KATNAL1: variants seen among roughly 807,000 people sequenced by gnomAD.
The protein encoded by KATNAL1 is katanin catalytic subunit A1 like 1.
A neutral mutation model predicts 55.2 loss-of-function variants in KATNAL1; 32 were observed. The observed-to-expected ratio is 0.58, with a 90% CI of 0.44 to 0.78. KATNAL1 has a LOEUF of 0.78. Among genes scored for constraint, KATNAL1 ranks in the 30% least tolerant of loss-of-function variants. KATNAL1 has a pLI of 0.00. For synonymous variants in KATNAL1, 193 were observed against 193.6 expected (o/e 1.00, Z 0.02); for missense variants, 466 against 600.9 (o/e 0.78, Z 2.35).
intron 3 of KATNAL1, among the ~76,000 whole-genome samples, chr13:30,260,436 A>G (rs1160032928): frequency 2.6e-5 from 4 of 152,152 alleles, no homozygotes; most frequent in Non-Finnish European, 5.9e-5. Context: ...TATGGGGGGA[A>G]ATTCAAACCA....
intron 7 of KATNAL1, among the ~76,000 whole-genome samples, 200 bp from the exon 8 acceptor site, chr13:30,230,794 T>G (rs948677733): frequency 6.6e-6 from 1 of 152,214 alleles, no homozygotes; most frequent in Admixed American, 6.5e-5. Flanking sequence ...ATATGGCTGG[T>G]GAAGCTGGGT....
intron 3 of KATNAL1, among the ~76,000 whole-genome samples, chr13:30,263,304 G>T (rs971054107): frequency 0.018 from 2,788 of 151,834 alleles, 37 homozygotes; most frequent in Non-Finnish European, 0.031. Context: ...CTTTGAAAAC[G>T]GGCACAAGAC....
intron 9 of KATNAL1, among the ~76,000 whole-genome samples, chr13:30,225,698 G>C (rs1485672947): frequency 6.9e-6 from 1 of 145,708 alleles, no homozygotes; most frequent in Non-Finnish European, 1.5e-5. Context: ...ATTCATTCAA[G>C]AGGAATCACA....
intron 3 of KATNAL1, among the ~76,000 whole-genome samples, chr13:30,277,557 A>G (rs1880933377): frequency 6.6e-6 from 1 of 152,252 alleles, no homozygotes; most frequent in Non-Finnish European, 1.5e-5. Context: ...GACCTGGAGA[A>G]GAAACGAAGT....
At position 30,207,210 on chromosome 13, in the gene KATNAL1, T is replaced by C. The variant is rs897633692; in HGVS notation, c.*1330A>G. 6.6e-5 allele frequency: 10 copies of C among 152,228 alleles called. No individual in the cohort carries two copies. The highest frequency in any genetic ancestry group is 1.2e-4 in the Non-Finnish European group (8 of 68,044). The allele number at this position is 152,228 out of a possible 1,614,324, so 9.4% of individuals were successfully genotyped here. ...AGCATAAATTGCCTAATGAGACACA[T>C]GTAATCATAAAAACTAACGCCAGGA... On this transcript the variant is annotated 3_prime_UTR_variant, in exon 11 of 11. Coordinates refer to ENST00000380615, the MANE Select transcript of KATNAL1 (RefSeq NM_032116.5).
chr13:30,224,558 G>GGGT (rs1255138701), intron 9 of KATNAL1, among the ~76,000 whole-genome samples: 2 of 150,920 alleles, frequency 1.3e-5, no homozygotes, highest in East Asian at 3.9e-4. Flanking sequence ...AAGTGGGGAA[G>GGGT]GGTGGTTCCT....
At chr13:30,300,790 C>A (rs1882805270) in intron 1 of KATNAL1, among the ~76,000 whole-genome samples, 1 of 152,152 alleles carries the variant, frequency 6.6e-6, no homozygotes. Flanking sequence ...AAAACAACCA[C>A]AAACCCAGAC....
At chr13:30,296,643 A>C (rs527793535) in intron 1 of KATNAL1, 1 of 688,072 alleles carries the variant, frequency 1.5e-6, no homozygotes, top group Non-Finnish European at 2.7e-6. Context: ...GGACGAGCAC[A>C]GGGAAGTTTG....
chr13:30,210,522 G>C, intron 9 of KATNAL1, 80 bp from the exon 10 acceptor site: 1 of 1,354,118 alleles, frequency 7.4e-7, no homozygotes, highest in South Asian at 1.4e-5. Flanking sequence ...TTAACATTTG[G>C]GGGAAAAATG....
At chr13:30,250,222 A>C (rs7981526) in intron 4 of KATNAL1, among the ~76,000 whole-genome samples, 2,014 of 152,342 alleles carry the variant, frequency 0.013, 37 homozygotes, top group African/African-American at 0.045. Context: ...CTAGATTTAG[A>C]AAAGTAATGG....
At chr13:30,223,378 C>T (rs1261133145) in intron 9 of KATNAL1, among the ~76,000 whole-genome samples, 4 of 129,042 alleles carry the variant, frequency 3.1e-5, no homozygotes, top group Admixed American at 1.9e-4. Flanking sequence ...GGAGGCAGAG[C>T]TTGCAGTGAG....
In KATNAL1 at chr13:30,205,460, T is replaced by G. The variant is rs1873018203; in HGVS notation, c.*3080A>C. ...CATTGTGCTGCAGAACTCAAAATAC[T>G]CATGTTTTCAGAGGAATTAAAGGAG... On this transcript the variant is annotated 3_prime_UTR_variant, in exon 11 of 11. Transcript: ENST00000380615. 6.6e-6 allele frequency: 1 copy of G among 152,234 alleles called. No homozygotes were observed. The highest frequency in any genetic ancestry group is 1.5e-5 in the Non-Finnish European group (1 of 68,054). 9.4% of individuals were successfully genotyped at this position (152,234 alleles called of 1,614,324 possible).
intron 1 of KATNAL1, chr13:30,306,921 C>A: frequency 6.6e-6 from 1 of 152,544 alleles, no homozygotes; most frequent in Non-Finnish European, 1.5e-5. Context: ...AGCTACAGGG[C>A]GGGAAGCCCG....
chr13:30,281,138 G>GA (rs10673727), intron 2 of KATNAL1, among the ~76,000 whole-genome samples: 6 of 123,910 alleles, frequency 4.8e-5, no homozygotes, highest in Admixed American at 1.9e-4. Flanking sequence ...AAAAAAAAAA[G>GA]AAAAGAAAAG....
In KATNAL1 at chr13:30,240,962, T is replaced by C. The variant is rs139933956; in HGVS notation, c.617A>G (p.His206Arg). The C allele has an allele frequency of 2.3e-5, 37 of 1,612,060 alleles. No homozygotes were observed. The highest frequency in any genetic ancestry group is 5.3e-5 in the African/African-American group (4 of 74,858). The stretch of plus-strand genomic sequence containing the variant: ...CAATAATTTGAAAGACTCTAACCAA[T>C]GAATGCTAGGATTCCTGGATACAAT... ...RDIVSRNPSI[H>R]WDDIADLEEA... is the part of the protein sequence containing the mutation. Residue 206 changes from histidine (H) to arginine (R), a missense_variant, in exon 5 of 11, where the codon CAT becomes CGT. Physicochemically the swap from His to Arg is conservative, Grantham distance 29 (BLOSUM62 0). Transcript: ENST00000380615.
intron 10 of KATNAL1, among the ~76,000 whole-genome samples, chr13:30,209,763 C>A (rs975323775): frequency 6.6e-6 from 1 of 152,262 alleles, no homozygotes; most frequent in Non-Finnish European, 1.5e-5. Flanking sequence ...TCATTATTAT[C>A]GAGTTAGACA....
chr13:30,269,066 C>T (rs1046464170), intron 3 of KATNAL1, among the ~76,000 whole-genome samples: 3 of 152,074 alleles, frequency 2.0e-5, no homozygotes, highest in Non-Finnish European at 4.4e-5. Context: ...CCCTCTCCCT[C>T]TCCCCCTCCC....
intron 2 of KATNAL1, among the ~76,000 whole-genome samples, chr13:30,282,370 G>A (rs1489873712): frequency 6.6e-6 from 1 of 152,140 alleles, no homozygotes; most frequent in Non-Finnish European, 1.5e-5. Flanking sequence ...CAGCACAGTG[G>A]CTCACACATG....
At chr13:30,211,381 C>G (rs889835599) in intron 9 of KATNAL1, among the ~76,000 whole-genome samples, 1 of 152,186 alleles carries the variant, frequency 6.6e-6, no homozygotes, top group Non-Finnish European at 1.5e-5. Context: ...CTTAAATTCC[C>G]CAGCATGTAT....
Sources: allele counts gnomAD v4.1 joint callset (sites outside exome capture counted in the v4.1 genomes callset), GRCh38; gene constraint gnomAD v4.1.1; transcripts MANE v1.5; gene names NCBI Gene and HGNC (gene_info 2026-07-23, HGNC 2026-07-21).